PRMT8: variants seen among roughly 807,000 people sequenced by gnomAD.
PRMT8 encodes the protein protein arginine methyltransferase 8, also known as protein arginine N-methyltransferase 8.
In PRMT8, 7 loss-of-function variants were observed where a neutral mutation model predicts 47.1. That is an observed-to-expected ratio of 0.15 (90% CI 0.08 to 0.28). The LOEUF is 0.28. PRMT8 is among the 10% of genes least tolerant of loss of function. PRMT8 has a pLI of 1.00. For synonymous variants in PRMT8, 188 were observed against 186.5 expected (o/e 1.01, Z -0.07); for missense variants, 237 against 505.4 (o/e 0.47, Z 5.09).
intron 4 of PRMT8, among the ~76,000 whole-genome samples, chr12:3,565,052 G>A (rs1866696649): frequency 6.6e-6 from 1 of 152,140 alleles, no homozygotes; most frequent in Admixed American, 6.5e-5. Flanking sequence ...GAAAGAATGT[G>A]ACCTCTTAAA....
chr12:3,481,388 C>T (rs940166172), intron 1 of PRMT8, among the ~76,000 whole-genome samples: 1 of 152,200 alleles, frequency 6.6e-6, no homozygotes, highest in Non-Finnish European at 1.5e-5. Context: ...GTCATCTGCA[C>T]TCCACCCTGA....
rs892394977 is a variant in PRMT8, at chr12:3,492,367, C to G, written c.75+667C>G. ...TAAACCCGGCAGGGCACACGGGCCG[C>G]GGCCACCTTCAGCACCAGGGACAGC... On this transcript the variant is annotated intron_variant, in intron 1 of 9. Coordinates refer to ENST00000382622, the MANE Select transcript of PRMT8 (RefSeq NM_019854.5). This position sits in a 1 kb window ranked among gnomAD's most constrained non-coding sequence, Gnocchi z 7.5. Among the ~76,000 whole-genome samples the G allele has an allele frequency of 2.0e-5, 3 of 152,136 alleles. No individual in the cohort carries two copies. The highest frequency in any genetic ancestry group is 4.4e-5 in the Non-Finnish European group (3 of 68,008).
rs2137175883 is a variant in PRMT8 at position 3,549,918 on chromosome 12, C to T, written c.262-18C>T. 1 of 1,611,710 alleles carries T rather than the reference C, an allele frequency of 6.2e-7. No individual in the cohort carries two copies. The highest frequency in any genetic ancestry group is 1.3e-5 in the African/African-American group (1 of 74,992). ...TCTTGAATTCACTGACATTTCCTTT[C>T]TTTTCCCTCCATCACAGGAAATGCT... is the stretch of plus-strand genomic sequence containing the variant. On this transcript the variant is annotated intron_variant, in intron 2 of 9. Transcript: ENST00000382622.
In PRMT8 at chr12:3,540,803, C is replaced by T. The variant is rs575631056; in HGVS notation, c.261+12C>T. 1.2e-5 allele frequency: 19 copies of T among 1,611,198 alleles called. No homozygotes were observed. Among genetic ancestry groups the T allele is most frequent in the South Asian group, 3.3e-5 (3 of 90,474 alleles). On this transcript the variant is annotated intron_variant, in intron 2 of 9. Transcript: ENST00000382622. ...TTGGGATCCACGAGGTAAAGTGTCC[C>T]GAGTGGGTGGCTAATGGGGCGAGGC...
chr12:3,382,266 G>A (rs1294489863), intron 1 of PRMT8, among the ~76,000 whole-genome samples: 1 of 152,180 alleles, frequency 6.6e-6, no homozygotes, highest in Non-Finnish European at 1.5e-5. Context: ...TAATTGTGGG[G>A]TCATATGGTT....
intron 7 of PRMT8, among the ~76,000 whole-genome samples, chr12:3,578,198 G>T (rs966796492): frequency 1.3e-5 from 2 of 151,930 alleles, no homozygotes; most frequent in Admixed American, 1.3e-4. Context: ...CTGCAATCTC[G>T]ACTAACTGAA....
intron 1 of PRMT8, among the ~76,000 whole-genome samples, chr12:3,455,299 C>T (rs773573217): frequency 2.0e-5 from 3 of 152,166 alleles, no homozygotes; most frequent in Non-Finnish European, 4.4e-5. Flanking sequence ...GATTAATTTT[C>T]GCACCCTTTG....
At position 3,491,340 on chromosome 12, in the gene PRMT8, C is replaced by A. The variant is rs1865393161; in HGVS notation, c.-286C>A. 3.5e-6 allele frequency: 4 copies of A among 1,133,730 alleles called. No homozygotes were observed. The highest frequency in any genetic ancestry group is 1.0e-4 in the East Asian group (2 of 20,000). The allele number at this position is 1,133,730 out of a possible 1,614,324, so 70.2% of individuals were successfully genotyped here. On this transcript the variant is annotated 5_prime_UTR_variant, in exon 1 of 10. Coordinates refer to ENST00000382622, the MANE Select transcript of PRMT8 (RefSeq NM_019854.5). ...AGGCTTCGGGGCTGCTTCCCTCGAG[C>A]TTAGCCCGCAGCGCGGGTGGAGAGG...
chr12:3,573,797 T>A (rs1329530025), intron 6 of PRMT8, among the ~76,000 whole-genome samples: 2 of 152,212 alleles, frequency 1.3e-5, no homozygotes, highest in African/African-American at 2.4e-5. Flanking sequence ...TATTATTTTT[T>A]AATTTCTAGA....
intron 1 of PRMT8, among the ~76,000 whole-genome samples, chr12:3,515,810 G>T (rs1405773187): frequency 1.3e-5 from 2 of 152,232 alleles, no homozygotes; most frequent in African/African-American, 4.8e-5. Flanking sequence ...CCCATGCATT[G>T]TCGTTAGTGC....
At chr12:3,491,131 C>G (rs1219126444), upstream of PRMT8, 3 of 984,490 alleles carry the variant, frequency 3.0e-6, no homozygotes, top group Admixed American at 1.2e-4. Context: ...CCGCCGCCGG[C>G]TCCAGCGAAC....
intron 1 of PRMT8, among the ~76,000 whole-genome samples, chr12:3,381,935 A>AT (rs1221254661): frequency 1.3e-5 from 2 of 152,080 alleles, no homozygotes; most frequent in Non-Finnish European, 2.9e-5. Flanking sequence ...TATTTCTGTA[A>AT]TTTTGTCATT....
intron 1 of PRMT8, among the ~76,000 whole-genome samples, chr12:3,461,287 T>C (rs1292844444): frequency 6.6e-6 from 1 of 152,186 alleles, no homozygotes; most frequent in East Asian, 1.9e-4. Context: ...CAGCTATTCC[T>C]GTAGCAGCAG....
chr12:3,585,345 C>CTTTTTTTT lies in PRMT8; in HGVS notation c.979+2157_979+2164dup, dbSNP rs71061123. Among the ~76,000 whole-genome samples the CTTTTTTTT allele has an allele frequency of 2.0e-4, 9 of 45,774 alleles. 2 individuals are homozygous for CTTTTTTTT. The highest frequency in any genetic ancestry group is 8.2e-4 in the African/African-American group (9 of 11,014). The allele number at this position is 45,774 out of a possible 152,430, so 30.0% of individuals were successfully genotyped here. A position where few individuals can be genotyped will look rare whatever the true frequency, so the allele number is the denominator to read the frequency against. ...TCCAGAAGCCATGAAGAAAATGATG[C>CTTTTTTTT]TTTTTTTTTTTTTTTTTTTTTTTTT... On this transcript the variant is annotated intron_variant, in intron 8 of 9. Coordinates refer to ENST00000382622, the MANE Select transcript of PRMT8 (RefSeq NM_019854.5).
chr12:3,394,319 C>T lies in PRMT8; in HGVS notation c.48+12877C>T, dbSNP rs553220404. ...TCAAAGGGAATGCTTCCAGTTTTTG[C>T]CCACTCAGTATGATATTGGCTGTGG... On this transcript the variant is annotated intron_variant, in intron 1 of 9. Transcript: ENST00000452611. 2.8e-3 allele frequency among the ~76,000 whole-genome samples: 433 copies of T among 152,280 alleles called. 3 individuals are homozygous for T. Among genetic ancestry groups the T allele is most frequent in the African/African-American group, 1.0e-2 (414 of 41,550 alleles).
At chr12:3,563,300 C>T (rs560887269) in intron 4 of PRMT8, among the ~76,000 whole-genome samples, 2 of 152,082 alleles carry the variant, frequency 1.3e-5, no homozygotes, top group East Asian at 3.9e-4. Context: ...CGGGCTAGAA[C>T]ATGAAGCCAA....
intron 1 of PRMT8, among the ~76,000 whole-genome samples, chr12:3,437,015 C>T (rs1864750564): frequency 6.6e-6 from 1 of 152,170 alleles, no homozygotes; most frequent in African/African-American, 2.4e-5. Context: ...TCCTCTTTTA[C>T]CTTTTAAGTC....
intron 1 of PRMT8, among the ~76,000 whole-genome samples, chr12:3,422,938 A>G (rs532488565): frequency 1.3e-5 from 2 of 152,356 alleles, no homozygotes; most frequent in Admixed American, 6.5e-5. Flanking sequence ...TGATTCATAT[A>G]GTACACTTGT....
chr12:3,454,959 C>A (rs1341993397), intron 1 of PRMT8, among the ~76,000 whole-genome samples: 2 of 152,114 alleles, frequency 1.3e-5, no homozygotes, highest in Non-Finnish European at 2.9e-5. Context: ...GCTGACGCAC[C>A]AAAGAATGCA....
Sources: allele counts gnomAD v4.1 joint callset (sites outside exome capture counted in the v4.1 genomes callset), GRCh38; gene constraint gnomAD v4.1.1; non-coding constraint Gnocchi (gnomAD v3.1); transcripts MANE v1.5; gene names NCBI Gene and HGNC (gene_info 2026-07-23, HGNC 2026-07-21).